SENP6: variants seen among roughly 807,000 people sequenced by gnomAD.
The protein encoded by SENP6 is SUMO specific peptidase 6.
In SENP6, 41 loss-of-function variants were observed where a neutral mutation model predicts 134.5. That is an observed-to-expected ratio of 0.30 (90% CI 0.24 to 0.40). The LOEUF (loss-of-function observed/expected upper bound fraction) is 0.40. Among genes scored for constraint, SENP6 ranks in the 10% least tolerant of loss-of-function variants. The pLI is 1.00. For synonymous variants in SENP6, 395 were observed against 429.8 expected (o/e 0.92, Z 1.00); for missense variants, 1,248 against 1,312.5 (o/e 0.95, Z 0.76).
At chr6:75,707,355 C>CTTCTTTTTT (rs1775467834) in intron 19 of SENP6, among the ~76,000 whole-genome samples, 1 of 74,692 alleles carries the variant, frequency 1.3e-5, no homozygotes, top group African/African-American at 5.2e-5. Flanking sequence ...TCTTCTTCTT[C>CTTCTTTTTT]TTTTTTTTTT....
At chr6:75,643,492 A>G (rs898232291) in intron 6 of SENP6, among the ~76,000 whole-genome samples, 2 of 152,196 alleles carry the variant, frequency 1.3e-5, no homozygotes, top group Non-Finnish European at 2.9e-5. Context: ...CATAACAAAT[A>G]AATGTAAAGC....
intron 7 of SENP6, among the ~76,000 whole-genome samples, chr6:75,651,709 C>A (rs553113931): frequency 6.6e-6 from 1 of 152,226 alleles, no homozygotes; most frequent in South Asian, 2.1e-4. Flanking sequence ...ATATAACTCT[C>A]CAGATCTTTT....
chr6:75,641,395 TTAA>T (rs1770016050), intron 6 of SENP6, among the ~76,000 whole-genome samples: 1 of 152,190 alleles, frequency 6.6e-6, no homozygotes, highest in Non-Finnish European at 1.5e-5. Context: ...TTTTTATGCT[TTAA>T]TAGACTGGGG....
chr6:75,639,458 A>T (rs1213205418), intron 5 of SENP6, among the ~76,000 whole-genome samples: 1 of 151,882 alleles, frequency 6.6e-6, no homozygotes, highest in Non-Finnish European at 1.5e-5. Flanking sequence ...ATTTGCTAGG[A>T]TTAAATTGGT....
chr6:75,659,296 A>C lies in SENP6; in HGVS notation c.585A>C (p.Ser195=). The C allele has an allele frequency of 1.2e-6, 2 of 1,612,888 alleles. No homozygotes were observed. Among genetic ancestry groups the C allele is most frequent in the South Asian group, 2.2e-5 (2 of 90,996 alleles). ...TGAAGAAAACAGAAGAGTCCGAATC[A>C]CAAGTGGAGCCTGAAATTAAGAGGA... is the stretch of plus-strand genomic sequence containing the variant. ...RIMKKTEESE[S]QVEPEIKRKV... Residue 195 remains serine (S), a synonymous_variant, in exon 8 of 24, where the codon TCA becomes TCC. Transcript: ENST00000447266.
intron 5 of SENP6, among the ~76,000 whole-genome samples, chr6:75,636,173 A>G (rs1433796971): frequency 6.6e-6 from 1 of 152,180 alleles, no homozygotes; most frequent in Non-Finnish European, 1.5e-5. Flanking sequence ...TTCAGTTCAT[A>G]TGAACTAGTT....
chr6:75,602,826 G>T (rs950349215), intron 1 of SENP6, among the ~76,000 whole-genome samples: 5 of 152,210 alleles, frequency 3.3e-5, no homozygotes, highest in Non-Finnish European at 7.3e-5. Context: ...CAGAGTTGGT[G>T]GGCGTCCTTT....
At chr6:75,616,870 A>G (rs1413212716) in intron 1 of SENP6, among the ~76,000 whole-genome samples, 1 of 149,856 alleles carries the variant, frequency 6.7e-6, no homozygotes, top group Non-Finnish European at 1.5e-5. Context: ...TTAAATTTTT[A>G]TTTATGTATT....
chr6:75,661,719 C>G (rs943395432), intron 8 of SENP6, among the ~76,000 whole-genome samples: 5 of 152,086 alleles, frequency 3.3e-5, no homozygotes, highest in Non-Finnish European at 5.9e-5. Context: ...CATGTATAGT[C>G]TCTGAAATTC....
At chr6:75,710,260 A>G (rs924069161) in intron 20 of SENP6, among the ~76,000 whole-genome samples, 2 of 152,202 alleles carry the variant, frequency 1.3e-5, no homozygotes. Flanking sequence ...TAAAGTTAAT[A>G]TAGATGAATT....
chr6:75,687,325 C>T (rs1430799389), intron 16 of SENP6, among the ~76,000 whole-genome samples: 1 of 152,076 alleles, frequency 6.6e-6, no homozygotes, highest in African/African-American at 2.4e-5. Flanking sequence ...GTTTAGCTTC[C>T]TTGCGATGGG....
intron 16 of SENP6, among the ~76,000 whole-genome samples, chr6:75,692,558 T>G (rs1157375033): frequency 6.6e-6 from 1 of 152,070 alleles, no homozygotes; most frequent in Non-Finnish European, 1.5e-5. Flanking sequence ...CCCAGGAGTT[T>G]GAGGTTGCAG....
At chr6:75,618,661 A>T (rs1768032627) in intron 1 of SENP6, among the ~76,000 whole-genome samples, 1 of 152,072 alleles carries the variant, frequency 6.6e-6, no homozygotes, top group Non-Finnish European at 1.5e-5. Flanking sequence ...CTCTATACTA[A>T]CCCGTGTTAC....
intron 7 of SENP6, among the ~76,000 whole-genome samples, chr6:75,652,710 G>GAA (rs895257089): frequency 9.4e-6 from 1 of 106,486 alleles, no homozygotes; most frequent in Non-Finnish European, 2.0e-5. Flanking sequence ...AAAAGAAAAA[G>GAA]AAAAAAAATG....
chr6:75,715,217 C>T (rs1388386289), intron 23 of SENP6, among the ~76,000 whole-genome samples, 168 bp from the exon 24 acceptor site: 2 of 152,096 alleles, frequency 1.3e-5, no homozygotes, highest in Non-Finnish European at 2.9e-5. Flanking sequence ...GAAACTGTGT[C>T]TTGTATCTCC....
intron 6 of SENP6, among the ~76,000 whole-genome samples, chr6:75,643,137 G>A (rs1304813903): frequency 6.6e-6 from 1 of 152,068 alleles, no homozygotes; most frequent in African/African-American, 2.4e-5. Flanking sequence ...TGCAAACAGT[G>A]TTGTATAAAA....
intron 3 of SENP6, among the ~76,000 whole-genome samples, chr6:75,628,910 G>T (rs1768901612): frequency 6.6e-6 from 1 of 152,034 alleles, no homozygotes; most frequent in Non-Finnish European, 1.5e-5. Flanking sequence ...AGTAGTTTTA[G>T]TGGTTTTGCC....
intron 17 of SENP6, among the ~76,000 whole-genome samples, chr6:75,696,180 A>G (rs1774648760): frequency 6.6e-6 from 1 of 152,236 alleles, no homozygotes; most frequent in South Asian, 2.1e-4. Context: ...AGGCAATATC[A>G]TTTAGTTCTC....
At position 75,652,683 on chromosome 6, in the gene SENP6, C is replaced by CA. The variant is rs71002754; in HGVS notation, c.550+4902dup. 2.1e-3 allele frequency among the ~76,000 whole-genome samples: 160 copies of CA among 75,856 alleles called. 5 individuals carry two copies. Among genetic ancestry groups the CA allele is most frequent in the African/African-American group, 8.8e-3 (139 of 15,782 alleles). 49.8% of individuals were successfully genotyped at this position (75,856 alleles called of 152,430 possible). A position where few individuals can be genotyped will look rare whatever the true frequency, so the allele number is the denominator to read the frequency against. ...GAAATCCCATCTCTACTAAAAATCT[C>CA]AAAAAAAAAAAAAAAAAAAAGAAAA... On this transcript the variant is annotated intron_variant, in intron 7 of 23. Transcript: ENST00000447266.
Sources: gnomAD v4.1 joint callset for allele counts (sites outside exome capture counted in the v4.1 genomes callset) on GRCh38, gnomAD v4.1.1 for gene constraint, MANE v1.5 for transcripts, NCBI Gene and HGNC (gene_info 2026-07-23, HGNC 2026-07-21) for gene names.